WFDC1: variants seen among roughly 807,000 people sequenced by gnomAD.
WFDC1 encodes WAP four-disulfide core domain 1.
WFDC1 carries 39 observed loss-of-function variants against 32.9 expected under a neutral mutation model. The observed-to-expected ratio is 1.19, with a 90% CI of 0.92 to 1.55. The LOEUF is 1.55. Among genes scored for constraint, WFDC1 ranks in the 40% most tolerant of loss-of-function variants. The pLI, the probability that WFDC1 is intolerant of heterozygous loss-of-function variation, is 0.00. For missense variants in WFDC1, 386 were observed against 309.5 expected (o/e 1.25, Z -1.85); for synonymous variants, 184 against 137.4 (o/e 1.34, Z -2.37).
intron 1 of WFDC1, among the ~76,000 whole-genome samples, chr16:84,298,902 G>A (rs529345202): frequency 6.6e-6 from 1 of 152,356 alleles, no homozygotes; most frequent in East Asian, 1.9e-4. Flanking sequence ...ACCTTCAGGA[G>A]TTTCCTTCTC....
intron 1 of WFDC1, among the ~76,000 whole-genome samples, chr16:84,306,743 G>C (rs937152227): frequency 6.8e-6 from 1 of 147,924 alleles, no homozygotes; most frequent in East Asian, 1.9e-4. Flanking sequence ...AACTGCCAGG[G>C]TGTGTTGACC....
Position 84,319,553 on chromosome 16 carries a change from A to C in WFDC1, c.544A>C (p.Lys182Gln), listed in dbSNP as rs137871923. The change falls in exon 4 of 7, where the codon AAG becomes CAG. Residue 182 changes from lysine to glutamine, a missense_variant. By Grantham distance (53) the Lys-to-Gln change is moderately conservative. Coordinates refer to ENST00000219454, the MANE Select transcript of WFDC1 (RefSeq NM_021197.4). ...TATCCCCAACCGTGGGCAGTGCGTC[A>C]AGCAGCGCCGGCAAGCAGGTGAGTG... ...EGIPNRGQCV[K>Q]QRRQADGRIL... The C allele has an allele frequency of 6.2e-7, 1 of 1,612,820 alleles. No individual in the cohort carries two copies. The highest frequency in any genetic ancestry group is 1.7e-5 in the Admixed American group (1 of 60,010).
At position 84,313,068 on chromosome 16, in the gene WFDC1, G is replaced by C; in HGVS notation, c.252G>C (p.Gln84His). The C allele has an allele frequency of 7.0e-7, 1 of 1,419,064 alleles. No individual in the cohort carries two copies. Among genetic ancestry groups the C allele is most frequent in the Non-Finnish European group, 9.2e-7 (1 of 1,091,198 alleles). The allele number at this position is 1,419,064 out of a possible 1,614,324, so 87.9% of individuals were successfully genotyped here. A position where few individuals can be genotyped will look rare whatever the true frequency, so the allele number is the denominator to read the frequency against. Residue 84 changes from glutamine to histidine, a missense_variant, in exon 2 of 7, where the codon CAG becomes CAC. Physicochemically the swap from Gln to His is conservative, Grantham distance 24. Coordinates refer to ENST00000219454, the MANE Select transcript of WFDC1 (RefSeq NM_021197.4). ...GCGCCTGCCAGGCCGCGCGCTGTCA[G>C]GCGGACTCCGAGTGCCCGCGGCACC... ...PPGACQAARC[Q>H]ADSECPRHRR...
At chr16:84,313,902 C>T (rs757429531) in intron 2 of WFDC1, among the ~76,000 whole-genome samples, 27 of 152,110 alleles carry the variant, frequency 1.8e-4, no homozygotes, top group Non-Finnish European at 2.9e-4. Flanking sequence ...ATTAGCCAGG[C>T]GTGGTGGCAG....
chr16:84,297,268 A>G (rs1202467544), intron 1 of WFDC1, among the ~76,000 whole-genome samples: 2 of 152,158 alleles, frequency 1.3e-5, no homozygotes, highest in African/African-American at 4.8e-5. Context: ...TTCCCTGGTT[A>G]TCAACAGATA....
rs148139491 is a variant in WFDC1, at chr16:84,312,516, C to T, written c.145-445C>T. On this transcript the variant is annotated intron_variant, in intron 1 of 6. Coordinates refer to ENST00000219454, the MANE Select transcript of WFDC1 (RefSeq NM_021197.4). ...GTGTATAATTTGTAAATTCTCAAAG[C>T]TCTATATAAACATGGATTCTAAGAA... 9.4e-4 allele frequency among the ~76,000 whole-genome samples: 143 copies of T among 152,142 alleles called. 1 individual carries two copies. The highest frequency in any genetic ancestry group is 1.1e-3 in the Non-Finnish European group (74 of 68,000).
intron 1 of WFDC1, among the ~76,000 whole-genome samples, chr16:84,306,210 A>G (rs1266063074): frequency 1.3e-5 from 2 of 152,064 alleles, no homozygotes; most frequent in Non-Finnish European, 2.9e-5. Context: ...ATTTTCCTGT[A>G]TGATCGCACA....
At chr16:84,319,959 A>T (rs1191039222) in intron 4 of WFDC1, among the ~76,000 whole-genome samples, 1 of 152,206 alleles carries the variant, frequency 6.6e-6, no homozygotes, top group Non-Finnish European at 1.5e-5. Flanking sequence ...CCTAAGGAAT[A>T]GTAGGTGGTC....
chr16:84,315,703 T>G (rs576632838), intron 2 of WFDC1, among the ~76,000 whole-genome samples: 1 of 152,334 alleles, frequency 6.6e-6, no homozygotes, highest in South Asian at 2.1e-4. Context: ...CTACCCCAAG[T>G]TGTGACAACC....
chr16:84,321,641 C>G (rs1432892344), intron 4 of WFDC1, among the ~76,000 whole-genome samples: 2 of 152,230 alleles, frequency 1.3e-5, no homozygotes, highest in African/African-American at 4.8e-5. Context: ...ATTCCCATTT[C>G]AAGACAGAGC....
intron 6 of WFDC1, chr16:84,327,581 C>T (rs1400592060): frequency 6.6e-6 from 1 of 152,170 alleles, no homozygotes; most frequent in African/African-American, 2.4e-5. Context: ...TTGCAGTTTC[C>T]AATAAGCTAT....
rs1908084429 is a variant in WFDC1, at chr16:84,318,338, C to T, written c.404C>T (p.Pro135Leu). The T allele has an allele frequency of 6.2e-7, 1 of 1,613,942 alleles. No individual in the cohort carries two copies. The highest frequency in any genetic ancestry group is 1.3e-5 in the African/African-American group (1 of 74,924). ...LGGNGWLLDGPEEVLQAEACS... is the reference protein window; with the variant it reads ...LGGNGWLLDGLEEVLQAEACS... Reference sequence around the variant, plus strand: ...GGCAATGGCTGGCTCCTGGATGGCCCTGAGGAGGTGTTACAAGGTACCTGC... The same window carrying T: ...GGCAATGGCTGGCTCCTGGATGGCCTTGAGGAGGTGTTACAAGGTACCTGC... Residue 135 changes from proline (P) to leucine (L), a missense_variant, in exon 3 of 7, where the codon CCT (proline) becomes CTT (leucine). Pro to Leu is a moderately conservative substitution (Grantham distance 98, BLOSUM62 -3). Coordinates refer to ENST00000219454, the MANE Select transcript of WFDC1 (RefSeq NM_021197.4).
chr16:84,320,452 T>C (rs1346621864), intron 4 of WFDC1, among the ~76,000 whole-genome samples: 8 of 152,266 alleles, frequency 5.3e-5, no homozygotes, highest in Non-Finnish European at 1.0e-4. Context: ...TTTGACTTAA[T>C]TTGTGTTCGT....
intron 4 of WFDC1, among the ~76,000 whole-genome samples, chr16:84,323,324 C>A (rs1000943226): frequency 6.6e-6 from 1 of 152,186 alleles, no homozygotes; most frequent in Non-Finnish European, 1.5e-5. Context: ...CTTGATTAAC[C>A]TTATAGCAGA....
chr16:84,320,205 C>A lies in WFDC1; in HGVS notation c.562+634C>A, dbSNP rs1479325763. Among the ~76,000 whole-genome samples, 4 of 152,174 alleles carry A rather than the reference C, an allele frequency of 2.6e-5. No individual in the cohort carries two copies. The East Asian group carries it at 7.7e-4, about 29-fold the overall frequency. On this transcript the variant is annotated intron_variant, in intron 4 of 6. Transcript: ENST00000219454. ...CTTTGTGTTAGATGACTTTGCCCAA[C>A]TCTAGGCTAATGTAAGTGTTCTGAG...
chr16:84,320,166 T>C (rs1437189106), intron 4 of WFDC1, among the ~76,000 whole-genome samples: 1 of 152,234 alleles, frequency 6.6e-6, no homozygotes. Flanking sequence ...TTCAATATTT[T>C]ATTATAAAAT....
chr16:84,324,319 G>T (rs244786), intron 4 of WFDC1, 100 bp from the exon 5 acceptor site: 1,083,321 of 1,095,776 alleles, frequency 0.99, 536,341 homozygotes, highest in East Asian at 1. Flanking sequence ...AGTGAGATGG[G>T]GAGACTGAAA....
intron 1 of WFDC1, among the ~76,000 whole-genome samples, chr16:84,296,049 A>G (rs1474198705): frequency 2.0e-5 from 3 of 152,180 alleles, no homozygotes; most frequent in Non-Finnish European, 4.4e-5. Context: ...ACTAGGAGAG[A>G]GAATGGGGTG....
intron 1 of WFDC1, among the ~76,000 whole-genome samples, chr16:84,298,094 A>C (rs756961285): frequency 2.0e-5 from 3 of 152,190 alleles, no homozygotes; most frequent in Non-Finnish European, 4.4e-5. Flanking sequence ...ACTAAGTTAT[A>C]TAAACTTACA....
Sources: allele counts gnomAD v4.1 joint callset (sites outside exome capture counted in the v4.1 genomes callset), GRCh38; gene constraint gnomAD v4.1.1; transcripts MANE v1.5; gene names NCBI Gene and HGNC (gene_info 2026-07-23, HGNC 2026-07-21).